The following ZFC3H1 variants were observed in gnomAD, a reference collection of about 807,000 sequenced individuals.
ZFC3H1 encodes the protein zinc finger C3H1 domain-containing protein.
A neutral mutation model predicts 243.7 loss-of-function variants in ZFC3H1; 71 were observed. The observed-to-expected ratio is 0.29, with a 90% CI of 0.24 to 0.36. The LOEUF (loss-of-function observed/expected upper bound fraction) is 0.36, where lower values mean the gene tolerates loss of function less well. ZFC3H1 is among the 10% of genes least tolerant of loss of function. The pLI is 1.00. For synonymous variants in ZFC3H1, 838 were observed against 813.0 expected, an observed-to-expected ratio of 1.03 and a Z score of -0.52; for missense variants, 1,966 against 2,317.1, an observed-to-expected ratio of 0.85 and a Z score of 3.11.
At chr12:71,647,168 A>G (rs930292010) in intron 3 of ZFC3H1, among the ~76,000 whole-genome samples, 1 of 152,242 alleles carries the variant, frequency 6.6e-6, no homozygotes, top group African/African-American at 2.4e-5. Flanking sequence ...AAAACTACAG[A>G]TATTTCAGAT....
At position 71,644,982 on chromosome 12, in the gene ZFC3H1, G is replaced by C. The variant is rs760932165; in HGVS notation, c.1174C>G (p.Gln392Glu). ...ASKKWQQKEQ[Q>E]VMKESKEKLT... is the part of the protein sequence containing the mutation. ...TTTTCTTTGCTTTCTTTCATCACCT[G>C]CTGTTCTTTTTGTTGCCATTTTTTA... Residue 392 changes from glutamine to glutamate, a missense_variant, in exon 4 of 35, where the codon CAG becomes GAG. Transcript: ENST00000378743. The C allele has an allele frequency of 6.2e-7, 1 of 1,613,564 alleles. No individual in the cohort carries two copies. Among genetic ancestry groups the C allele is most frequent in the Admixed American group, 1.7e-5 (1 of 60,016 alleles).
chr12:71,645,437 A>G (rs1031968758), intron 3 of ZFC3H1, among the ~76,000 whole-genome samples: 2 of 152,234 alleles, frequency 1.3e-5, no homozygotes, highest in African/African-American at 4.8e-5. Flanking sequence ...GCAATGAAGA[A>G]ATCAAGACCC....
chr12:71,611,604 T>A (rs1222126090), intron 32 of ZFC3H1, 182 bp downstream of exon 32: 1 of 171,482 alleles, frequency 5.8e-6, no homozygotes, highest in African/African-American at 2.5e-5. Context: ...CTCACTCTCA[T>A]TAAACCTCAG....
Position 71,644,075 on chromosome 12 carries a change from T to C in ZFC3H1, c.1503+20A>G. The C allele has an allele frequency of 1.3e-6, 2 of 1,594,712 alleles. No homozygotes were observed. The highest frequency in any genetic ancestry group is 2.3e-5 in the South Asian group (2 of 88,202). On this transcript the variant is annotated intron_variant, in intron 5 of 34. Coordinates refer to ENST00000378743, the MANE Select transcript of ZFC3H1 (RefSeq NM_144982.5). ...GAAACTTAGAGTAACGTTTTGATTT[T>C]ATATTTTTGCATTTCTTACTTTACT...
chr12:71,653,508 C>A (rs892813825), intron 2 of ZFC3H1, among the ~76,000 whole-genome samples: 7 of 152,148 alleles, frequency 4.6e-5, no homozygotes, highest in Admixed American at 1.3e-4. Flanking sequence ...ACTGCAAGAT[C>A]CAATCCAGAT....
Position 71,630,826 on chromosome 12 carries a change from T to C in ZFC3H1, c.3599A>G (p.Gln1200Arg), listed in dbSNP as rs1880303754. Residue 1200 changes from glutamine (Q) to arginine (R), a missense_variant, in exon 17 of 35, where the codon CAA (glutamine) becomes CGA (arginine). By Grantham distance (43) the Gln-to-Arg change is conservative. This residue lies in a region of ZFC3H1 where 1,383 missense variants were observed against 1,723.7 expected (regional missense o/e 0.80). Coordinates refer to ENST00000378743, the MANE Select transcript of ZFC3H1 (RefSeq NM_144982.5). ...LTGTCNDDDC[Q>R]WQHIQDYTLS... ...AATGTTCACAAAAACTACTCACCAT[T>C]GACAATCATCATCATTACATGTTCC... The C allele has an allele frequency of 6.2e-7, 1 of 1,612,162 alleles. No homozygotes were observed. The highest frequency in any genetic ancestry group is 1.3e-5 in the African/African-American group (1 of 74,874).
At chr12:71,650,907 C>A (rs1880867651) in intron 2 of ZFC3H1, among the ~76,000 whole-genome samples, 2 of 152,188 alleles carry the variant, frequency 1.3e-5, no homozygotes, top group Non-Finnish European at 2.9e-5. Context: ...CCCCCTCCTG[C>A]CATCTCTAAT....
intron 27 of ZFC3H1, among the ~76,000 whole-genome samples, 183 bp from the exon 28 acceptor site, chr12:71,615,499 C>T (rs1879873101): frequency 6.6e-6 from 1 of 152,060 alleles, no homozygotes; most frequent in Non-Finnish European, 1.5e-5. Flanking sequence ...TTACACATTA[C>T]TCAAAATGCT....
intron 31 of ZFC3H1, among the ~76,000 whole-genome samples, chr12:71,612,598 C>A (rs1469671180): frequency 1.3e-5 from 2 of 152,036 alleles, no homozygotes; most frequent in Non-Finnish European, 2.9e-5. Context: ...CGATTTTCCC[C>A]ACATACATGC....
rs1313127022 is a variant in ZFC3H1 at position 71,624,179 on chromosome 12, A to T, written c.4431T>A (p.Leu1477=). ...GAACTCTAAACAAAAGAGCCTCTAAAAGCTGAAAGGACAAAATATTGGATG... is the reference window on the plus strand; with the variant it reads ...GAACTCTAAACAAAAGAGCCTCTAATAGCTGAAAGGACAAAATATTGGATG... The part of the protein sequence containing the change: ...QETSNILSFQ[L]LEALLFRVQL... The change falls in exon 23 of 35, where the codon CTT becomes CTA. Residue 1477 remains leucine, a synonymous_variant. Transcript: ENST00000378743. The T allele has an allele frequency of 6.2e-7, 1 of 1,614,078 alleles. No homozygotes were observed. Among genetic ancestry groups the T allele is most frequent in the Non-Finnish European group, 8.5e-7 (1 of 1,180,008 alleles).
chr12:71,612,348 T>G (rs1457926205), intron 31 of ZFC3H1, among the ~76,000 whole-genome samples: 2 of 152,124 alleles, frequency 1.3e-5, no homozygotes, highest in Non-Finnish European at 2.9e-5. Flanking sequence ...AGGAAATAAG[T>G]ATCAAAACAC....
In ZFC3H1 at chr12:71,634,201, C is replaced by T; in HGVS notation, c.2464G>A (p.Val822Ile). Residue 822 changes from valine (V) to isoleucine (I), a missense_variant, in exon 12 of 35, where the codon GTT becomes ATT. By Grantham distance (29) the Val-to-Ile change is conservative. Transcript: ENST00000378743. ...EIDGIGRIAM[V>I]TKQVTDAESK... ...TCTGCATCTGTAACCTGCTTAGTAA[C>T]CATTGCTATCCTGCCAATACCATCA... 6.2e-7 allele frequency: 1 copy of T among 1,613,980 alleles called. No homozygotes were observed. The highest frequency in any genetic ancestry group is 8.5e-7 in the Non-Finnish European group (1 of 1,179,964).
chr12:71,620,891 G>C (rs1398638296), intron 24 of ZFC3H1, among the ~76,000 whole-genome samples: 1 of 152,170 alleles, frequency 6.6e-6, no homozygotes, highest in Non-Finnish European at 1.5e-5. Flanking sequence ...CAGCTTCCCA[G>C]ATCTGTGGAG....
Position 71,657,114 on chromosome 12 carries a change from T to C in ZFC3H1, c.786A>G (p.Lys262=). Residue 262 remains lysine, a synonymous_variant, in exon 2 of 35, where the codon AAA becomes AAG. Coordinates refer to ENST00000378743, the MANE Select transcript of ZFC3H1 (RefSeq NM_144982.5). ...SKEENVQEDP[K]TLNFEDQTST... ...TAGTTTGGTCCTCGAAGTTCAATGTTTTAGGATCTTCCTGCACATTCTCTT... is the reference window on the plus strand; with the variant it reads ...TAGTTTGGTCCTCGAAGTTCAATGTCTTAGGATCTTCCTGCACATTCTCTT... The C allele has an allele frequency of 6.2e-7, 1 of 1,613,996 alleles. No homozygotes were observed. Among genetic ancestry groups the C allele is most frequent in the South Asian group, 1.1e-5 (1 of 91,076 alleles).
At chr12:71,657,716 C>T (rs1368544102) in intron 1 of ZFC3H1, among the ~76,000 whole-genome samples, 6 of 152,110 alleles carry the variant, frequency 3.9e-5, no homozygotes, top group South Asian at 2.1e-4. Context: ...GGGCCAGGCG[C>T]GGTGGCTCAC....
At chr12:71,659,435 A>G (rs563789533) in intron 1 of ZFC3H1, among the ~76,000 whole-genome samples, 1 of 152,210 alleles carries the variant, frequency 6.6e-6, no homozygotes, top group Admixed American at 6.5e-5. Flanking sequence ...CTTCAACTTA[A>G]CCCCAATTCA....
chr12:71,662,897 C>G lies in ZFC3H1; in HGVS notation c.598+116G>C, dbSNP rs563132880. 24 of 1,042,370 alleles carry G rather than the reference C, an allele frequency of 2.3e-5. 1 individual carries two copies. In the South Asian group the frequency reaches 2.6e-4, roughly 11 times the overall value. 64.6% of individuals were successfully genotyped at this position (1,042,370 alleles called of 1,614,324 possible). The stretch of plus-strand genomic sequence containing the variant: ...AAGAACAACTTAAAGTATACTGACA[C>G]AGGGAGAAATAAGCGGTTCTGATGA... On this transcript the variant is annotated intron_variant, in intron 1 of 34. Coordinates refer to ENST00000378743, the MANE Select transcript of ZFC3H1 (RefSeq NM_144982.5).
rs765276309 is a variant in ZFC3H1 at position 71,635,476 on chromosome 12, C to T, written c.2205G>A (p.Glu735=). ...TTCGTCTTGCTTCTTTAATCATGGA[C>T]TCTAATCCACCAAAAACACTATTTG... ...KSTNSVFGGL[E]SMIKEARRTA... Residue 735 remains glutamate (E), a synonymous_variant, in exon 10 of 35, where the codon GAG becomes GAA. Transcript: ENST00000378743. The T allele has an allele frequency of 1.3e-6, 2 of 1,576,468 alleles. No homozygotes were observed. The highest frequency in any genetic ancestry group is 1.7e-6 in the Non-Finnish European group (2 of 1,167,068).
intron 21 of ZFC3H1, 108 bp from the exon 22 acceptor site, chr12:71,626,554 T>G: frequency 1.0e-6 from 1 of 988,796 alleles, no homozygotes; most frequent in Non-Finnish European, 1.4e-6. Flanking sequence ...TACTAGAATT[T>G]ACCAAGAAGT....
Sources: allele counts gnomAD v4.1 joint callset (sites outside exome capture counted in the v4.1 genomes callset), GRCh38; gene constraint gnomAD v4.1.1; regional missense constraint gnomAD v4.1.1; transcripts MANE v1.5; gene names NCBI Gene and HGNC (gene_info 2026-07-23, HGNC 2026-07-21).